Variants in UBAP2 observed in about 807,000 individuals in gnomAD.
The protein encoded by UBAP2 is ubiquitin-associated protein 2.
Under a neutral mutation model 139.6 loss-of-function variants are expected in UBAP2, and 75 were observed. The observed-to-expected ratio is 0.54, with a 90% confidence interval of 0.45 to 0.65. The LOEUF is 0.65. UBAP2 is among the 30% of genes least tolerant of loss of function. The probability of loss-of-function intolerance (pLI) is 0.00; values close to 1 mark genes in which losing one functional copy is unlikely to be tolerated. For synonymous variants in UBAP2, 526 were observed against 526.2 expected (o/e 1.00, Z 0.01); for missense variants, 1,368 against 1,369.6 (o/e 1.00, Z 0.02).
intron 4 of UBAP2, among the ~76,000 whole-genome samples, chr9:33,994,229 C>T (rs1253237890): frequency 1.3e-5 from 2 of 152,084 alleles, no homozygotes; most frequent in East Asian, 3.9e-4. Flanking sequence ...AGAACCAGCT[C>T]CTTCAGGTTC....
intron 2 of UBAP2, among the ~76,000 whole-genome samples, chr9:34,005,827 G>C (rs772750577): frequency 6.6e-6 from 1 of 152,108 alleles, no homozygotes; most frequent in African/African-American, 2.4e-5. Context: ...AAAATGTCTG[G>C]AAAACAAACC....
At chr9:33,982,784 T>A (rs1360588247) in intron 6 of UBAP2, among the ~76,000 whole-genome samples, 1 of 152,168 alleles carries the variant, frequency 6.6e-6, no homozygotes, top group East Asian at 1.9e-4. Flanking sequence ...GGTAAACATA[T>A]CAACTTTTTC....
chr9:33,995,498 T>TATAA (rs1280423696), intron 4 of UBAP2: 10 of 130,732 alleles, frequency 7.6e-5, no homozygotes, highest in East Asian at 4.0e-4. Flanking sequence ...TTATTAAATA[T>TATAA]ATATATTTAT....
intron 5 of UBAP2, among the ~76,000 whole-genome samples, 197 bp downstream of exon 5, chr9:33,988,776 T>C (rs1465272712): frequency 1.3e-5 from 2 of 152,354 alleles, no homozygotes; most frequent in East Asian, 3.9e-4. Context: ...GAACAAATTC[T>C]GCATTGAGGA....
chr9:34,036,638 C>T (rs1192414079), intron 1 of UBAP2, among the ~76,000 whole-genome samples: 2 of 152,118 alleles, frequency 1.3e-5, no homozygotes, highest in East Asian at 1.9e-4. Flanking sequence ...TGTATTCTAG[C>T]ATCTAACATT....
chr9:34,021,711 G>A (rs1824959181), intron 1 of UBAP2, among the ~76,000 whole-genome samples: 1 of 147,946 alleles, frequency 6.8e-6, no homozygotes, highest in South Asian at 2.1e-4. Context: ...TCAGCTCACT[G>A]CAACCTCCGT....
Position 33,922,746 on chromosome 9 carries a change from G to C in UBAP2, c.3205C>G (p.Pro1069Ala), listed in dbSNP as rs968858433. 1.3e-6 allele frequency: 2 copies of C among 1,556,388 alleles called. No individual in the cohort carries two copies. Among genetic ancestry groups the C allele is most frequent in the African/African-American group, 1.4e-5 (1 of 73,224 alleles). The change falls in exon 28 of 29, where the codon CCA becomes GCA. Residue 1069 changes from proline to alanine, a missense_variant. By Grantham distance (27) the Pro-to-Ala change is conservative (BLOSUM62 -1). Coordinates refer to ENST00000379238, the MANE Select transcript of UBAP2 (RefSeq NM_001370062.2). ...YAPPPFLHILPAHQQPHSQLL... is the reference protein window; with the variant it reads ...YAPPPFLHILAAHQQPHSQLL... ...TGTGAGTGGGGCTGCTGGTGGGCTG[G>C]CAAGATGTGTAGGAATGGTGGGGGT...
At chr9:34,020,909 G>A (rs1477800474) in intron 1 of UBAP2, among the ~76,000 whole-genome samples, 2 of 151,958 alleles carry the variant, frequency 1.3e-5, no homozygotes, top group Non-Finnish European at 1.5e-5. Flanking sequence ...TGATCCACCC[G>A]CCTCGGCCTC....
upstream of UBAP2, among the ~76,000 whole-genome samples, chr9:34,049,100 A>T (rs945465424): frequency 1.6e-4 from 24 of 152,226 alleles, no homozygotes; most frequent in Non-Finnish European, 2.9e-4. Flanking sequence ...AATAAGGGAG[A>T]CTTGATAATA....
At chr9:33,926,849 A>G (rs1740296471) in intron 21 of UBAP2, 140 bp downstream of exon 21, 1 of 976,280 alleles carries the variant, frequency 1.0e-6, no homozygotes, top group East Asian at 2.5e-5. Context: ...ACCAGGGCTC[A>G]GTGGGGCAGA....
chr9:33,926,177 A>G (rs536750136), intron 22 of UBAP2, among the ~76,000 whole-genome samples: 106 of 152,356 alleles, frequency 7.0e-4, no homozygotes, highest in Non-Finnish European at 1.0e-3. Context: ...AGCTGATTGC[A>G]GAAGAGCAGT....
At chr9:34,038,558 T>C (rs1281407545) in intron 1 of UBAP2, among the ~76,000 whole-genome samples, 2 of 152,198 alleles carry the variant, frequency 1.3e-5, no homozygotes, top group Non-Finnish European at 2.9e-5. Context: ...GTGCCGGGAT[T>C]GCAGACAGTG....
chr9:33,929,309 A>G (rs1823759007), intron 19 of UBAP2, among the ~76,000 whole-genome samples: 1 of 152,204 alleles, frequency 6.6e-6, no homozygotes, highest in Non-Finnish European at 1.5e-5. Context: ...GGGACTCAAG[A>G]GTCATCTGGC....
At chr9:34,040,143 G>A (rs1477141830) in intron 1 of UBAP2, among the ~76,000 whole-genome samples, 1 of 148,634 alleles carries the variant, frequency 6.7e-6, no homozygotes, top group Non-Finnish European at 1.5e-5. Context: ...TGGGCGACAA[G>A]GGCTAGACTC....
chr9:33,953,644 C>T (rs778363999), intron 11 of UBAP2, among the ~76,000 whole-genome samples, 170 bp from the exon 12 acceptor site: 47 of 152,216 alleles, frequency 3.1e-4, no homozygotes, highest in Admixed American at 6.5e-4. Flanking sequence ...CACAAAAGAA[C>T]ATACCAAGCC....
At position 33,923,418 on chromosome 9, in the gene UBAP2, G is replaced by C; in HGVS notation, c.2857C>G (p.Gln953Glu). Reference protein sequence around the residue: ...VNLSTPTPPFQQASGYGQHGY... With the variant: ...VNLSTPTPPFEQASGYGQHGY... ...TGCTGGCCATAACCACTGGCCTGCT[G>C]GAAGGGAGGTGTGGGAGTGCTGAGG... Residue 953 changes from glutamine (Q) to glutamate (E), a missense_variant, in exon 25 of 29, where the codon CAG becomes GAG. Transcript: ENST00000379238. The C allele has an allele frequency of 6.2e-7, 1 of 1,614,168 alleles. No homozygotes were observed. Among genetic ancestry groups the C allele is most frequent in the Non-Finnish European group, 8.5e-7 (1 of 1,180,014 alleles).
intron 1 of UBAP2, among the ~76,000 whole-genome samples, chr9:34,044,566 A>C (rs932634074): frequency 6.6e-6 from 1 of 151,750 alleles, no homozygotes; most frequent in Non-Finnish European, 1.5e-5. Flanking sequence ...TCTCAAGAAA[A>C]TAAAAATAAA....
At chr9:34,027,456 C>A (rs1825498539) in intron 1 of UBAP2, among the ~76,000 whole-genome samples, 1 of 151,790 alleles carries the variant, frequency 6.6e-6, no homozygotes, top group Non-Finnish European at 1.5e-5. Context: ...GTGGCTCATG[C>A]CTGTAACTCC....
intron 4 of UBAP2, 44 bp from the exon 5 acceptor site, chr9:33,989,170 G>T: frequency 2.6e-6 from 4 of 1,522,546 alleles, no homozygotes; most frequent in Admixed American, 2.3e-5. Context: ...TTCAAAGTGT[G>T]TACAATTATC....
Sources: allele counts gnomAD v4.1 joint callset (sites outside exome capture counted in the v4.1 genomes callset), GRCh38; gene constraint gnomAD v4.1.1; transcripts MANE v1.5; gene names NCBI Gene and HGNC (gene_info 2026-07-23, HGNC 2026-07-21).